Variants in GMDS observed in about 807,000 individuals in gnomAD.
The protein encoded by GMDS is GDP-mannose 4,6 dehydratase.
A neutral mutation model predicts 49.9 loss-of-function variants in GMDS; 20 were observed. That is an observed-to-expected ratio of 0.40 (90% confidence interval 0.28 to 0.58). GMDS has a LOEUF of 0.58. Among genes scored for constraint, GMDS ranks in the 20% least tolerant of loss-of-function variants. GMDS has a pLI of 0.42. For synonymous variants in GMDS, 177 were observed against 178.6 expected, an observed-to-expected ratio of 0.99 and a Z score of 0.07; for missense variants, 362 against 481.4, an observed-to-expected ratio of 0.75 and a Z score of 2.32.
chr6:1,835,086 A>G (rs80063679), intron 7 of GMDS, among the ~76,000 whole-genome samples: 2,515 of 152,202 alleles, frequency 0.017, 72 homozygotes, highest in African/African-American at 0.056. Context: ...GAGGGAGGGA[A>G]TATAAAGTGA....
intron 4 of GMDS, among the ~76,000 whole-genome samples, chr6:2,078,246 C>T (rs947131572): frequency 1.3e-5 from 2 of 151,948 alleles, no homozygotes; most frequent in Non-Finnish European, 2.9e-5. Context: ...ATCCTTTGAA[C>T]TGTTACTTTA....
At chr6:1,936,782 C>T (rs113616070) in intron 6 of GMDS, among the ~76,000 whole-genome samples, 3,017 of 152,098 alleles carry the variant, frequency 0.02, 102 homozygotes, top group African/African-American at 0.068. Flanking sequence ...GCCTGGCCAA[C>T]GTGGTAAAAC....
chr6:1,776,390 A>C (rs1334998528), intron 7 of GMDS, among the ~76,000 whole-genome samples: 3 of 152,154 alleles, frequency 2.0e-5, no homozygotes, highest in Admixed American at 6.5e-5. Flanking sequence ...CTTGGTTTTC[A>C]AAAAATGGTC....
At chr6:1,939,470 G>A (rs1762706149) in intron 6 of GMDS, among the ~76,000 whole-genome samples, 1 of 151,590 alleles carries the variant, frequency 6.6e-6, no homozygotes, top group South Asian at 2.1e-4. Context: ...GAGGCTGGGT[G>A]TTCCCTAAAG....
intron 7 of GMDS, among the ~76,000 whole-genome samples, chr6:1,754,899 A>C (rs534158731): frequency 6.6e-6 from 1 of 152,372 alleles, no homozygotes; most frequent in South Asian, 2.1e-4. Context: ...ACAAAATAAT[A>C]ACAGCCATTT....
At chr6:1,705,877 C>T (rs900246510) in intron 9 of GMDS, among the ~76,000 whole-genome samples, 2 of 152,156 alleles carry the variant, frequency 1.3e-5, no homozygotes, top group Non-Finnish European at 2.9e-5. Context: ...GGGCACCCAG[C>T]AATCTGGGGC....
At chr6:1,886,443 C>T (rs1405326665) in intron 7 of GMDS, among the ~76,000 whole-genome samples, 2 of 152,116 alleles carry the variant, frequency 1.3e-5, no homozygotes, top group African/African-American at 2.4e-5. Context: ...ATTATTAAGA[C>T]ATTTCATTTA....
rs969145010 is a variant in GMDS at position 1,789,483 on chromosome 6, A to G, written c.772-46897T>C. Among the ~76,000 whole-genome samples, 7 of 150,960 alleles carry G rather than the reference A, an allele frequency of 4.6e-5. No individual in the cohort carries two copies. In the South Asian group the frequency reaches 1.5e-3, roughly 32 times the overall value. On this transcript the variant is annotated intron_variant, in intron 7 of 10. Transcript: ENST00000380815. ...GGACAAAGGCCAAATTCTTTATTATATAAGTTAGATAGAACTTGACAAAAA... is the reference window on the plus strand; with the variant it reads ...GGACAAAGGCCAAATTCTTTATTATGTAAGTTAGATAGAACTTGACAAAAA...
At position 1,801,501 on chromosome 6, in the gene GMDS, C is replaced by T. The variant is rs1315177568; in HGVS notation, c.772-58915G>A. 2.6e-5 allele frequency among the ~76,000 whole-genome samples: 4 copies of T among 152,226 alleles called. No homozygotes were observed. In the East Asian group the frequency reaches 7.7e-4, roughly 29 times the overall value. On this transcript the variant is annotated intron_variant, in intron 7 of 10. Coordinates refer to ENST00000380815, the MANE Select transcript of GMDS (RefSeq NM_001500.4). ...TTTATAGCTGTATAAAGCTGTCCAG[C>T]TGGAGTGGAGGCAACCCGCAACATT...
In GMDS at chr6:2,036,993, A is replaced by G. The variant is rs1329406591; in HGVS notation, c.346-76027T>C. Among the ~76,000 whole-genome samples the G allele has an allele frequency of 2.6e-5, 4 of 152,196 alleles. 1 individual carries two copies. Among genetic ancestry groups the G allele is most frequent in the Admixed American group, 2.6e-4 (4 of 15,276 alleles). On this transcript the variant is annotated intron_variant, in intron 4 of 10. Coordinates refer to ENST00000380815, the MANE Select transcript of GMDS (RefSeq NM_001500.4). ...AGTTATCTTTTGGAGGCGAAAGGTAATGAGGTAGGAACAGCCTGAACTTGT... is the reference window on the plus strand; with the variant it reads ...AGTTATCTTTTGGAGGCGAAAGGTAGTGAGGTAGGAACAGCCTGAACTTGT...
At chr6:2,173,089 C>T (rs951780661) in intron 1 of GMDS, among the ~76,000 whole-genome samples, 4 of 151,984 alleles carry the variant, frequency 2.6e-5, no homozygotes, top group Non-Finnish European at 5.9e-5. Context: ...TTTTTAAATA[C>T]TAGTCTAATT....
intron 7 of GMDS, among the ~76,000 whole-genome samples, chr6:1,895,453 C>T (rs1760112551): frequency 6.6e-6 from 1 of 152,190 alleles, no homozygotes; most frequent in African/African-American, 2.4e-5. Flanking sequence ...CCAGTGACCA[C>T]ATATGACCAT....
At chr6:1,744,811 T>A (rs1269813164) in intron 7 of GMDS, among the ~76,000 whole-genome samples, 1 of 152,254 alleles carries the variant, frequency 6.6e-6, no homozygotes. Flanking sequence ...GACCTCTCTC[T>A]AGGTCCCGGA....
chr6:2,000,207 T>C, intron 4 of GMDS, among the ~76,000 whole-genome samples: 1 of 147,360 alleles, frequency 6.8e-6, no homozygotes, highest in Admixed American at 6.9e-5. Flanking sequence ...GGCTAATTTT[T>C]TGTATTTTTG....
chr6:1,650,548 C>A (rs933428978), intron 9 of GMDS, among the ~76,000 whole-genome samples: 4 of 152,134 alleles, frequency 2.6e-5, no homozygotes, highest in Admixed American at 2.6e-4. Flanking sequence ...ACCCTCTTAA[C>A]CCTTACTGTC....
At chr6:2,169,854 A>G (rs1269969763) in intron 1 of GMDS, among the ~76,000 whole-genome samples, 4 of 152,134 alleles carry the variant, frequency 2.6e-5, no homozygotes, top group Non-Finnish European at 5.9e-5. Context: ...CTGACTATCA[A>G]TTACTGCTTT....
intron 4 of GMDS, among the ~76,000 whole-genome samples, chr6:2,053,595 A>G (rs901152705): frequency 6.6e-6 from 1 of 152,072 alleles, no homozygotes; most frequent in Admixed American, 6.6e-5. Flanking sequence ...GTCCTATCAA[A>G]TTTTGCATCA....
At chr6:1,815,038 C>T (rs545106067) in intron 7 of GMDS, among the ~76,000 whole-genome samples, 135 of 152,284 alleles carry the variant, frequency 8.9e-4, no homozygotes, top group Non-Finnish European at 1.6e-3. Flanking sequence ...AACACATAAT[C>T]ATGTTATAAA....
chr6:2,096,470 G>A (rs949668087), intron 4 of GMDS, among the ~76,000 whole-genome samples: 6 of 152,042 alleles, frequency 3.9e-5, no homozygotes, highest in Non-Finnish European at 5.9e-5. Context: ...AACATTCACC[G>A]TGTCTATTTC....
Sources: gnomAD v4.1 joint callset for allele counts (sites outside exome capture counted in the v4.1 genomes callset) on GRCh38, gnomAD v4.1.1 for gene constraint, MANE v1.5 for transcripts, NCBI Gene and HGNC (gene_info 2026-07-23, HGNC 2026-07-21) for gene names.